The following EPHB1 variants were observed in gnomAD, a reference collection of about 807,000 sequenced individuals.
The protein encoded by EPHB1 is ephrin type-B receptor 1.
Under a neutral mutation model 94.4 loss-of-function variants are expected in EPHB1, and 30 were observed. That is an observed-to-expected ratio of 0.32 (90% CI 0.24 to 0.43). EPHB1 has a LOEUF of 0.43. Among genes scored for constraint, EPHB1 ranks in the 20% least tolerant of loss-of-function variants. The pLI, the probability that EPHB1 is intolerant of heterozygous loss-of-function variation, is 1.00. For synonymous variants in EPHB1, 522 were observed against 489.1 expected, an observed-to-expected ratio of 1.07 and a Z score of -0.89; for missense variants, 1,055 against 1,308.3, an observed-to-expected ratio of 0.81 and a Z score of 2.99.
At chr3:135,060,245 C>A (rs1447481932) in intron 3 of EPHB1, among the ~76,000 whole-genome samples, 3 of 152,196 alleles carry the variant, frequency 2.0e-5, no homozygotes, top group African/African-American at 7.2e-5. Context: ...GATTTGCCTA[C>A]TCTGGACATT....
At chr3:135,124,362 A>G (rs890004998) in intron 4 of EPHB1, among the ~76,000 whole-genome samples, 3 of 151,654 alleles carry the variant, frequency 2.0e-5, no homozygotes, top group Non-Finnish European at 4.4e-5. Flanking sequence ...GATACTATTC[A>G]TTTATCTACG....
chr3:135,160,524 G>C (rs933596575), intron 6 of EPHB1, among the ~76,000 whole-genome samples: 2 of 152,078 alleles, frequency 1.3e-5, no homozygotes, highest in African/African-American at 4.8e-5. Context: ...GGGGACACAG[G>C]GACTTGGATC....
chr3:134,800,386 G>A (rs1170225799), intron 1 of EPHB1, among the ~76,000 whole-genome samples: 1 of 152,186 alleles, frequency 6.6e-6, no homozygotes, highest in Non-Finnish European at 1.5e-5. Context: ...CTAAGGCTTA[G>A]ATGTGTAGTG....
intron 1 of EPHB1, among the ~76,000 whole-genome samples, chr3:134,860,154 C>CACACACACACAG (rs2037219135): frequency 1.4e-5 from 1 of 73,996 alleles, no homozygotes; most frequent in South Asian, 5.6e-4. Context: ...GGAAGGGACA[C>CACACACACACAG]ACACACACAC....
intron 12 of EPHB1, among the ~76,000 whole-genome samples, chr3:135,214,952 G>A (rs1335802003): frequency 6.6e-6 from 1 of 152,004 alleles, no homozygotes; most frequent in African/African-American, 2.4e-5. Context: ...TATGAACTTG[G>A]GCCTAGTTCT....
rs10664147 is a variant in EPHB1, at chr3:134,973,425, C to CTTTTTTT, written c.805+21390_805+21396dup. Among the ~76,000 whole-genome samples the CTTTTTTT allele has an allele frequency of 1.3e-3, 116 of 91,010 alleles. 7 individuals are homozygous for CTTTTTTT. The highest frequency in any genetic ancestry group is 2.9e-3 in the South Asian group (6 of 2,100). The allele number at this position is 91,010 out of a possible 152,430, so 59.7% of individuals were successfully genotyped here. ...AAGCACTCCTTGTCTGTCTTCTAGT[C>CTTTTTTT]TTTTTTTTTTTTTTTTTTTTTTTGA... On this transcript the variant is annotated intron_variant, in intron 3 of 15. Transcript: ENST00000398015.
intron 5 of EPHB1, among the ~76,000 whole-genome samples, chr3:135,136,409 G>A (rs1215707988): frequency 6.6e-6 from 1 of 152,174 alleles, no homozygotes; most frequent in Non-Finnish European, 1.5e-5. Context: ...TCCTTACCCA[G>A]TCCAAAGGCA....
At chr3:135,151,599 G>A (rs1941196801) in intron 5 of EPHB1, among the ~76,000 whole-genome samples, 1 of 152,084 alleles carries the variant, frequency 6.6e-6, no homozygotes, top group Non-Finnish European at 1.5e-5. Context: ...GCTCTATGAG[G>A]GCTAGAAATT....
At chr3:135,249,150 C>T (rs575174094) in intron 14 of EPHB1, among the ~76,000 whole-genome samples, 186 bp from the exon 15 acceptor site, 2 of 152,262 alleles carry the variant, frequency 1.3e-5, no homozygotes, top group South Asian at 4.2e-4. Flanking sequence ...AGACACTGGC[C>T]ACCTGGATGT....
chr3:134,799,516 C>T (rs927701222), intron 1 of EPHB1, among the ~76,000 whole-genome samples: 6 of 152,172 alleles, frequency 3.9e-5, no homozygotes, highest in Non-Finnish European at 7.3e-5. Context: ...GGAATGCTGG[C>T]GAGGGAGGGC....
At chr3:135,142,976 A>C (rs553758439) in intron 5 of EPHB1, among the ~76,000 whole-genome samples, 5 of 152,174 alleles carry the variant, frequency 3.3e-5, no homozygotes, top group Non-Finnish European at 7.3e-5. Flanking sequence ...GGGAGCAAGG[A>C]TGACACACCC....
intron 3 of EPHB1, among the ~76,000 whole-genome samples, chr3:135,035,219 G>C (rs560762092): frequency 6.6e-6 from 1 of 152,276 alleles, no homozygotes; most frequent in South Asian, 2.1e-4. Context: ...TCCTTCTCCT[G>C]TCCTGCATCC....
chr3:135,255,664 G>C (rs1294873370), intron 15 of EPHB1, among the ~76,000 whole-genome samples: 1 of 151,068 alleles, frequency 6.6e-6, no homozygotes, highest in Admixed American at 6.6e-5. Context: ...GAATAGGTGT[G>C]GTGTGGTGCT....
intron 1 of EPHB1, among the ~76,000 whole-genome samples, chr3:134,879,204 G>C (rs1423467919): frequency 6.6e-6 from 1 of 152,142 alleles, no homozygotes; most frequent in Non-Finnish European, 1.5e-5. Context: ...GCTGGCTAGA[G>C]GCAGCACAGA....
rs1286812470 is a variant in EPHB1, at chr3:135,248,311, T to C, written c.2497-5T>C. The C allele has an allele frequency of 1.3e-6, 2 of 1,578,280 alleles. No individual in the cohort carries two copies. The highest frequency in any genetic ancestry group is 1.3e-5 in the African/African-American group (1 of 74,478). ...ATCACACCTGTTCCCTGTATGTCAC[T>C]GCAGGTCATCAATGCCATCGAGCAG... is the stretch of plus-strand genomic sequence containing the variant. On this transcript the variant is annotated splice_region_variant and splice_polypyrimidine_tract_variant and intron_variant, in intron 13 of 15. Transcript: ENST00000398015.
intron 3 of EPHB1, among the ~76,000 whole-genome samples, chr3:135,014,957 C>G (rs1020570613): frequency 1.3e-5 from 2 of 152,214 alleles, no homozygotes; most frequent in Non-Finnish European, 2.9e-5. Flanking sequence ...TTTCTGGTCA[C>G]AGCCAATCAC....
chr3:135,129,406 C>G (rs1458286984), intron 4 of EPHB1, among the ~76,000 whole-genome samples: 1 of 152,130 alleles, frequency 6.6e-6, no homozygotes, highest in African/African-American at 2.4e-5. Flanking sequence ...GAGTAACAAG[C>G]AGTGGGTCAT....
chr3:135,047,809 G>C (rs1937046041), intron 3 of EPHB1, among the ~76,000 whole-genome samples: 1 of 152,112 alleles, frequency 6.6e-6, no homozygotes, highest in South Asian at 2.1e-4. Context: ...GCCATGTCTG[G>C]AGACATTTTG....
chr3:135,106,665 G>A, intron 4 of EPHB1, 62 bp downstream of exon 4: 9 of 1,597,240 alleles, frequency 5.6e-6, no homozygotes, highest in Non-Finnish European at 7.7e-6. Flanking sequence ...CAAGTGGTGG[G>A]TCTGGGGCAA....
Sources: allele counts gnomAD v4.1 joint callset (sites outside exome capture counted in the v4.1 genomes callset), GRCh38; gene constraint gnomAD v4.1.1; transcripts MANE v1.5; gene names NCBI Gene and HGNC (gene_info 2026-07-23, HGNC 2026-07-21).